Variants in GRID2 observed in about 807,000 individuals in gnomAD.
GRID2 encodes glutamate receptor ionotropic, delta-2.
A neutral mutation model predicts 114.8 loss-of-function variants in GRID2; 33 were observed. The observed-to-expected ratio is 0.29, with a 90% CI of 0.22 to 0.38. GRID2 has a LOEUF of 0.38. Ranked by LOEUF, GRID2 falls within the 10% of genes least tolerant of loss-of-function variation. The pLI is 1.00. For missense variants in GRID2, 1,184 were observed against 1,257.7 expected (o/e 0.94, Z 0.89); for synonymous variants, 505 against 449.9 (o/e 1.12, Z -1.55).
chr4:93,599,668 T>C (rs1385233870), intron 13 of GRID2, among the ~76,000 whole-genome samples: 2 of 152,146 alleles, frequency 1.3e-5, no homozygotes, highest in Non-Finnish European at 2.9e-5. Flanking sequence ...TATACCAAAC[T>C]AACCCTTTCA....
At chr4:92,680,428 CA>C (rs765996084) in intron 2 of GRID2, among the ~76,000 whole-genome samples, 1 of 151,982 alleles carries the variant, frequency 6.6e-6, no homozygotes, top group African/African-American at 2.4e-5. Context: ...AAATTGTGAT[CA>C]CATGTTAAGT....
At chr4:93,235,467 G>C (rs1746670091) in intron 7 of GRID2, among the ~76,000 whole-genome samples, 1 of 152,050 alleles carries the variant, frequency 6.6e-6, no homozygotes, top group South Asian at 2.1e-4. Flanking sequence ...CCAAGGCTCT[G>C]TTTTCAAGGT....
intron 14 of GRID2, among the ~76,000 whole-genome samples, chr4:93,758,231 C>A (rs556879449): frequency 4.6e-5 from 7 of 152,272 alleles, no homozygotes; most frequent in African/African-American, 1.4e-4. Context: ...ATAGTTTAGA[C>A]TTCCCATCTA....
chr4:93,009,274 C>T (rs935965790), intron 2 of GRID2, among the ~76,000 whole-genome samples: 3 of 151,990 alleles, frequency 2.0e-5, no homozygotes, highest in African/African-American at 7.2e-5. Flanking sequence ...TGAAAGCAGC[C>T]CTCAGTAGTT....
chr4:92,978,989 C>G (rs1475721109), intron 2 of GRID2, among the ~76,000 whole-genome samples: 1 of 151,984 alleles, frequency 6.6e-6, no homozygotes, highest in Non-Finnish European at 1.5e-5. Flanking sequence ...CCCCTGCACT[C>G]CAGCCCTGGT....
intron 2 of GRID2, among the ~76,000 whole-genome samples, chr4:92,868,021 TTTCTTTCTTTCTTTC>T (rs1322981586): frequency 1.7e-4 from 6 of 35,448 alleles, no homozygotes; most frequent in Admixed American, 1.6e-3. Context: ...AAAGGTTTTC[TTTCTTTCTTTCTTTC>T]TTTCTTTCTT....
chr4:92,346,487 C>T (rs935075711), intron 1 of GRID2, among the ~76,000 whole-genome samples: 1 of 152,118 alleles, frequency 6.6e-6, no homozygotes, highest in African/African-American at 2.4e-5. Flanking sequence ...ACCTCAGCCC[C>T]CACAAGTAGC....
chr4:93,334,303 C>A (rs2117126), intron 8 of GRID2, among the ~76,000 whole-genome samples: 1 of 151,836 alleles, frequency 6.6e-6, no homozygotes, highest in East Asian at 1.9e-4. Context: ...GACTCTAAAT[C>A]GTTTTGAAAC....
At chr4:92,438,463 C>T (rs1038748198) in intron 1 of GRID2, among the ~76,000 whole-genome samples, 3 of 151,556 alleles carry the variant, frequency 2.0e-5, no homozygotes, top group Non-Finnish European at 4.4e-5. Context: ...TTGTCATTTT[C>T]TTTGTTTTTA....
intron 1 of GRID2, among the ~76,000 whole-genome samples, chr4:92,423,939 A>C (rs1027651732): frequency 6.6e-6 from 1 of 152,146 alleles, no homozygotes; most frequent in Admixed American, 6.6e-5. Flanking sequence ...GAGAAATGGA[A>C]AAGGAAGAAT....
At chr4:92,578,059 CTTCTTCTT>C (rs1727984912) in intron 1 of GRID2, among the ~76,000 whole-genome samples, 1 of 50,636 alleles carries the variant, frequency 2.0e-5, no homozygotes, top group Admixed American at 2.0e-4. Context: ...TCTTCTTCTT[CTTCTTCTT>C]CTTCTTCTTC....
intron 1 of GRID2, among the ~76,000 whole-genome samples, chr4:92,469,246 T>C (rs1280760566): frequency 1.3e-5 from 2 of 152,116 alleles, no homozygotes; most frequent in Non-Finnish European, 2.9e-5. Context: ...TGAAGATTTG[T>C]TTTTCGTTAA....
intron 13 of GRID2, among the ~76,000 whole-genome samples, chr4:93,624,743 T>C (rs1742540672): frequency 6.6e-6 from 1 of 152,226 alleles, no homozygotes; most frequent in Non-Finnish European, 1.5e-5. Flanking sequence ...ATTTATTTTA[T>C]GAATTTCTTA....
intron 11 of GRID2, among the ~76,000 whole-genome samples, chr4:93,457,316 A>T (rs184810463): frequency 1.4e-3 from 216 of 152,158 alleles, no homozygotes; most frequent in African/African-American, 4.7e-3. Context: ...GAGGAAGATG[A>T]ATGGAGAAAA....
At chr4:92,921,108 A>G (rs933190944) in intron 2 of GRID2, among the ~76,000 whole-genome samples, 4 of 151,862 alleles carry the variant, frequency 2.6e-5, no homozygotes, top group African/African-American at 7.3e-5. Context: ...TTCATCTTTC[A>G]TCACTGATAC....
intron 8 of GRID2, among the ~76,000 whole-genome samples, chr4:93,389,879 C>G (rs1024293088): frequency 2.0e-5 from 3 of 151,788 alleles, no homozygotes; most frequent in African/African-American, 7.3e-5. Flanking sequence ...ACCTCCATCT[C>G]CCAGGTTCAA....
intron 14 of GRID2, among the ~76,000 whole-genome samples, chr4:93,675,162 T>C (rs1487381979): frequency 1.3e-5 from 2 of 152,188 alleles, no homozygotes; most frequent in African/African-American, 4.8e-5. Context: ...ATATTGCGTG[T>C]GTGTGTCTGT....
chr4:92,763,052 C>A (rs992962317), intron 2 of GRID2, among the ~76,000 whole-genome samples: 2 of 152,086 alleles, frequency 1.3e-5, no homozygotes, highest in African/African-American at 4.8e-5. Flanking sequence ...GAGTATCAGC[C>A]GACTTTGGGA....
At chr4:92,459,203 G>A (rs939403994) in intron 1 of GRID2, among the ~76,000 whole-genome samples, 1 of 152,056 alleles carries the variant, frequency 6.6e-6, no homozygotes, top group Non-Finnish European at 1.5e-5. Context: ...AGATCATTGT[G>A]ATGCAAGTAT....
Sources: allele counts gnomAD v4.1 joint callset (sites outside exome capture counted in the v4.1 genomes callset), GRCh38; gene constraint gnomAD v4.1.1; transcripts MANE v1.5; gene names NCBI Gene and HGNC (gene_info 2026-07-23, HGNC 2026-07-21).